Variants in HCN1 observed in about 807,000 individuals in gnomAD.
HCN1 encodes hyperpolarization activated cyclic nucleotide gated potassium channel 1.
A neutral mutation model predicts 78.9 loss-of-function variants in HCN1; 13 were observed. The observed-to-expected ratio is 0.16, with a 90% CI of 0.11 to 0.26. The LOEUF is 0.26. Among genes scored for constraint, HCN1 ranks in the 10% least tolerant of loss-of-function variants. HCN1 has a pLI of 1.00. For missense variants in HCN1, 810 were observed against 1,154.3 expected, an observed-to-expected ratio of 0.70 and a Z score of 4.32; for synonymous variants, 552 against 455.5, an observed-to-expected ratio of 1.21 and a Z score of -2.70.
At chr5:45,592,960 GGAAATTTTATGAAAATACAATA>G (rs1243767144) in intron 2 of HCN1, among the ~76,000 whole-genome samples, 3 of 151,916 alleles carry the variant, frequency 2.0e-5, no homozygotes, top group African/African-American at 7.3e-5. Context: ...TTTTCATTTT[GGAAATTTTATGAAAATACAATA>G]GCCAGTAATG....
intron 5 of HCN1, among the ~76,000 whole-genome samples, chr5:45,335,582 C>T (rs1018585225): frequency 2.6e-5 from 4 of 152,030 alleles, no homozygotes; most frequent in Admixed American, 6.6e-5. Context: ...CCCTTTGAAT[C>T]ACCCTTTCAG....
intron 2 of HCN1, among the ~76,000 whole-genome samples, chr5:45,551,848 T>C (rs1743377282): frequency 6.6e-6 from 1 of 151,952 alleles, no homozygotes; most frequent in African/African-American, 2.4e-5. Flanking sequence ...GTATAAGGTA[T>C]AAAAACTGTC....
chr5:45,372,050 TATA>T (rs1187414840), intron 4 of HCN1, among the ~76,000 whole-genome samples: 3 of 55,598 alleles, frequency 5.4e-5, no homozygotes, highest in East Asian at 8.0e-4. Context: ...ATATTATATA[TATA>T]ATATAATTAT....
intron 2 of HCN1, among the ~76,000 whole-genome samples, chr5:45,577,039 T>C (rs867828996): frequency 6.6e-6 from 1 of 152,144 alleles, no homozygotes; most frequent in Non-Finnish European, 1.5e-5. Flanking sequence ...TTATATTCTC[T>C]ACCTGAATGT....
intron 4 of HCN1, among the ~76,000 whole-genome samples, chr5:45,394,881 A>G (rs1342643924): frequency 6.6e-6 from 1 of 152,186 alleles, no homozygotes; most frequent in African/African-American, 2.4e-5. Flanking sequence ...AGTAAATACC[A>G]AAGGGTTATA....
chr5:45,300,810 C>T (rs1408836257), intron 6 of HCN1, among the ~76,000 whole-genome samples: 1 of 152,078 alleles, frequency 6.6e-6, no homozygotes, highest in African/African-American at 2.4e-5. Flanking sequence ...TAATTCTCTG[C>T]ACTTTCTAAA....
intron 1 of HCN1, among the ~76,000 whole-genome samples, chr5:45,691,713 G>A (rs887797235): frequency 6.6e-6 from 1 of 152,090 alleles, no homozygotes; most frequent in Non-Finnish European, 1.5e-5. Context: ...ACCCTAGAAG[G>A]TTGAATTGTT....
chr5:45,644,884 C>G, intron 2 of HCN1: 1 of 402,366 alleles, frequency 2.5e-6, no homozygotes, highest in Non-Finnish European at 4.4e-6. Context: ...TAAAAAAAAC[C>G]AAGGTGGGAA....
intron 2 of HCN1, among the ~76,000 whole-genome samples, chr5:45,581,519 G>C (rs1445736928): frequency 1.3e-5 from 2 of 152,144 alleles, no homozygotes; most frequent in Non-Finnish European, 2.9e-5. Flanking sequence ...AAGCTCTTTA[G>C]TTTAATTAGA....
intron 2 of HCN1, among the ~76,000 whole-genome samples, chr5:45,504,710 C>T (rs1742261380): frequency 6.6e-6 from 1 of 152,108 alleles, no homozygotes; most frequent in Admixed American, 6.6e-5. Flanking sequence ...GTTTACAGTC[C>T]CACCAACAGT....
chr5:45,473,728 C>G (rs774005009), intron 2 of HCN1, among the ~76,000 whole-genome samples: 1 of 151,704 alleles, frequency 6.6e-6, no homozygotes, highest in African/African-American at 2.4e-5. Flanking sequence ...TGGTATTCCT[C>G]TCAATCCTCT....
At chr5:45,348,673 G>A (rs912450755) in intron 5 of HCN1, among the ~76,000 whole-genome samples, 5 of 152,130 alleles carry the variant, frequency 3.3e-5, no homozygotes, top group African/African-American at 1.2e-4. Context: ...AAGGATGGAG[G>A]AAGATCTACC....
rs143430988 is a variant in HCN1 at position 45,409,409 on chromosome 5, T to C, written c.1012-12699A>G. ...CTAAAATATAGACAAACTTAAACTA[T>C]AGAGAAAGGAAATGTGTATGCTGAT... On this transcript the variant is annotated intron_variant, in intron 3 of 7. Transcript: ENST00000303230. 3.3e-3 allele frequency among the ~76,000 whole-genome samples: 496 copies of C among 152,126 alleles called. 2 individuals are homozygous for C. The highest frequency in any genetic ancestry group is 0.011 in the African/African-American group (472 of 41,542).
At chr5:45,352,887 A>C (rs1383551808) in intron 5 of HCN1, among the ~76,000 whole-genome samples, 1 of 152,088 alleles carries the variant, frequency 6.6e-6, no homozygotes, top group Non-Finnish European at 1.5e-5. Context: ...TACAGACAAG[A>C]GAACAGTTCT....
At chr5:45,291,630 C>G (rs1745378297) in intron 6 of HCN1, among the ~76,000 whole-genome samples, 2 of 151,968 alleles carry the variant, frequency 1.3e-5, no homozygotes, top group Non-Finnish European at 2.9e-5. Flanking sequence ...TTGCAACCTC[C>G]ATCTCCTCAA....
chr5:45,276,095 G>A (rs546750528), intron 6 of HCN1, among the ~76,000 whole-genome samples: 4 of 151,952 alleles, frequency 2.6e-5, no homozygotes, highest in South Asian at 4.2e-4. Context: ...AAAAAAACAC[G>A]TGGCAGAAAC....
intron 2 of HCN1, among the ~76,000 whole-genome samples, chr5:45,472,035 T>C (rs1244110006): frequency 6.6e-6 from 1 of 151,928 alleles, no homozygotes; most frequent in Non-Finnish European, 1.5e-5. Context: ...AAGCCCATAT[T>C]CTTGGCCTGG....
intron 2 of HCN1, among the ~76,000 whole-genome samples, chr5:45,470,433 G>A (rs1027479183): frequency 1.3e-5 from 2 of 151,836 alleles, no homozygotes; most frequent in Non-Finnish European, 2.9e-5. Flanking sequence ...TAAAAAATAA[G>A]GAAGCATTGG....
intron 3 of HCN1, among the ~76,000 whole-genome samples, chr5:45,448,790 T>C (rs906532597): frequency 5.3e-5 from 8 of 152,140 alleles, no homozygotes; most frequent in African/African-American, 1.9e-4. Flanking sequence ...CTATTAATAA[T>C]AGCTTTTGTG....
Sources: allele counts gnomAD v4.1 joint callset (sites outside exome capture counted in the v4.1 genomes callset), GRCh38; gene constraint gnomAD v4.1.1; transcripts MANE v1.5; gene names NCBI Gene and HGNC (gene_info 2026-07-23, HGNC 2026-07-21).